ATL3: variants seen among roughly 807,000 people sequenced by gnomAD.
The protein encoded by ATL3 is atlastin-3.
ATL3 carries 49 observed loss-of-function variants against 69.5 expected under a neutral mutation model. That is an observed-to-expected ratio of 0.71 (90% confidence interval 0.56 to 0.89). The LOEUF is 0.89. Among genes scored for constraint, ATL3 ranks in the 40% least tolerant of loss-of-function variants. The pLI is 0.00. For missense variants in ATL3, 606 were observed against 645.7 expected, an observed-to-expected ratio of 0.94 and a Z score of 0.67; for synonymous variants, 214 against 224.1, an observed-to-expected ratio of 0.95 and a Z score of 0.40.
At chr11:63,652,966 C>T (rs1368676986) in intron 3 of ATL3, among the ~76,000 whole-genome samples, 1 of 151,308 alleles carries the variant, frequency 6.6e-6, no homozygotes, top group Non-Finnish European at 1.5e-5. Flanking sequence ...GCCGTGGCAG[C>T]AGCAGCACTT....
intron 10 of ATL3, 44 bp from the exon 11 acceptor site, chr11:63,633,141 A>T: frequency 6.7e-7 from 1 of 1,499,716 alleles, no homozygotes; most frequent in Non-Finnish European, 9.3e-7. Flanking sequence ...TTCCTCTTTT[A>T]ACATTCCTCC....
intron 3 of ATL3, among the ~76,000 whole-genome samples, chr11:63,653,451 C>A (rs1011129877): frequency 6.6e-6 from 1 of 150,592 alleles, no homozygotes; most frequent in Non-Finnish European, 1.5e-5. Flanking sequence ...GGTGAGAGAG[C>A]GAGATTTTGT....
intron 1 of ATL3, among the ~76,000 whole-genome samples, chr11:63,668,610 CTA>C (rs1409239558): frequency 6.6e-6 from 1 of 151,966 alleles, no homozygotes; most frequent in African/African-American, 2.4e-5. Flanking sequence ...CAAAAATTAT[CTA>C]TGACTAAATG....
intron 1 of ATL3, among the ~76,000 whole-genome samples, chr11:63,668,242 G>C (rs1014259111): frequency 6.6e-6 from 1 of 152,174 alleles, no homozygotes; most frequent in Non-Finnish European, 1.5e-5. Flanking sequence ...CCTTGTTCTT[G>C]CTGGCAGTCT....
At position 63,652,484 on chromosome 11, in the gene ATL3, G is replaced by A; in HGVS notation, c.497C>T (p.Thr166Ile). The A allele has an allele frequency of 6.2e-7, 1 of 1,602,230 alleles. No homozygotes were observed. Among genetic ancestry groups the A allele is most frequent in the Non-Finnish European group, 8.5e-7 (1 of 1,172,882 alleles). ...AGTGGTTTTTACCTGAACAGAACTA[G>A]TCATAGTGCTTAGAGCAAAGATGGT... is the stretch of plus-strand genomic sequence containing the variant. ...CATIFALSTM[T>I]SSVQIYNLSQ... Residue 166 changes from threonine to isoleucine, a missense_variant, in exon 4 of 13, where the codon ACT (threonine) becomes ATT (isoleucine). Transcript: ENST00000398868.
intron 10 of ATL3, 133 bp from the exon 11 acceptor site, chr11:63,633,230 T>C (rs921985998): frequency 5.7e-6 from 4 of 700,232 alleles, no homozygotes; most frequent in Middle Eastern, 3.2e-4. Flanking sequence ...GATTTCCATA[T>C]AGTTCAACTG....
chr11:63,656,395 T>C (rs1940249372), intron 3 of ATL3, among the ~76,000 whole-genome samples: 1 of 151,450 alleles, frequency 6.6e-6, no homozygotes, highest in African/African-American at 2.4e-5. Context: ...ACAGATTAGG[T>C]ACAAAAGAAC....
At chr11:63,636,404 T>C in intron 8 of ATL3, 70 bp from the exon 9 acceptor site, 4 of 1,593,388 alleles carry the variant, frequency 2.5e-6, no homozygotes, top group South Asian at 2.2e-5. Flanking sequence ...GAACACACAA[T>C]GCAGTCTTCC....
rs558016555 is a variant in ATL3 at position 63,671,206 on chromosome 11, G to A, written c.46+84C>T. The stretch of plus-strand genomic sequence containing the variant: ...CCCCGGGACGAGGAAGGGCGGCGGC[G>A]CGGGCGGGGGTTCTTTTCAGAACTA... On this transcript the variant is annotated intron_variant, in intron 1 of 12. Transcript: ENST00000398868. 8.4e-5 allele frequency: 123 copies of A among 1,461,728 alleles called. 2 individuals are homozygous for A. The South Asian group carries it at 1.4e-3, about 17-fold the overall frequency. The allele number at this position is 1,461,728 out of a possible 1,614,324, so 90.5% of individuals were successfully genotyped here. A position where few individuals can be genotyped will look rare whatever the true frequency, so the allele number is the denominator to read the frequency against.
At chr11:63,656,715 C>T (rs899169803) in intron 3 of ATL3, among the ~76,000 whole-genome samples, 3 of 144,582 alleles carry the variant, frequency 2.1e-5, no homozygotes, top group Admixed American at 7.0e-5. Flanking sequence ...GCCTGAGCAA[C>T]AGAGAGACTC....
At chr11:63,634,412 C>A (rs538455789) in intron 10 of ATL3, among the ~76,000 whole-genome samples, 3 of 151,626 alleles carry the variant, frequency 2.0e-5, no homozygotes, top group Admixed American at 2.0e-4. Flanking sequence ...GAGGCTGAGG[C>A]AGGAGAATGG....
In ATL3 at chr11:63,644,167, A is replaced by C; in HGVS notation, c.711+2T>G. ...TCATCAGAAGATTATAGTCCCACTTACCTGTAAACGCTTATCCAAAAATGC... is the reference window on the plus strand; with the variant it reads ...TCATCAGAAGATTATAGTCCCACTTCCCTGTAAACGCTTATCCAAAAATGC... On this transcript the variant is annotated splice_donor_variant, in intron 7 of 12. Coordinates refer to ENST00000398868, the MANE Select transcript of ATL3 (RefSeq NM_015459.5). LOFTEE classifies it high-confidence loss of function. 1 of 1,584,224 alleles carries C rather than the reference A, an allele frequency of 6.3e-7. No individual in the cohort carries two copies. Among genetic ancestry groups the C allele is most frequent in the Non-Finnish European group, 8.6e-7 (1 of 1,157,410 alleles).
intron 1 of ATL3, among the ~76,000 whole-genome samples, chr11:63,670,953 G>A (rs1012416724): frequency 6.6e-5 from 10 of 152,056 alleles, no homozygotes; most frequent in East Asian, 1.9e-4. Context: ...AGCTCCGGAC[G>A]CCGCCCACGG....
intron 10 of ATL3, among the ~76,000 whole-genome samples, chr11:63,634,200 A>G (rs1565269583): frequency 6.7e-6 from 1 of 149,564 alleles, no homozygotes; most frequent in African/African-American, 2.5e-5. Context: ...AAAAAAAAAA[A>G]AAAGAAGAAG....
chr11:63,644,019 A>G (rs1273329807), intron 7 of ATL3, 150 bp downstream of exon 7: 5 of 602,208 alleles, frequency 8.3e-6, no homozygotes, highest in African/African-American at 5.7e-5. Context: ...AATCTTGTCA[A>G]GAATAAATAT....
intron 3 of ATL3, among the ~76,000 whole-genome samples, chr11:63,654,313 A>G (rs1565279579): frequency 6.6e-6 from 1 of 151,394 alleles, no homozygotes; most frequent in Non-Finnish European, 1.5e-5. Flanking sequence ...CGCCCAGCTA[A>G]TTTTTGTATT....
At chr11:63,632,504 C>T (rs1018227705) in intron 11 of ATL3, 2 of 853,120 alleles carry the variant, frequency 2.3e-6, no homozygotes, top group East Asian at 4.8e-5. Flanking sequence ...AAAATCCTCA[C>T]CACTAGTCCA....
At chr11:63,658,063 G>A (rs1940312828) in intron 3 of ATL3, among the ~76,000 whole-genome samples, 1 of 151,984 alleles carries the variant, frequency 6.6e-6, no homozygotes, top group African/African-American at 2.4e-5. Context: ...TCACTATGTT[G>A]GCCAGGCTGG....
chr11:63,665,749 C>G (rs1049773077), intron 1 of ATL3, among the ~76,000 whole-genome samples: 2 of 151,738 alleles, frequency 1.3e-5, no homozygotes, highest in African/African-American at 4.8e-5. Flanking sequence ...ATTAACCAGG[C>G]TTGGTGGTAA....
Sources: gnomAD v4.1 joint callset for allele counts (sites outside exome capture counted in the v4.1 genomes callset) on GRCh38, gnomAD v4.1.1 for gene constraint, MANE v1.5 for transcripts, NCBI Gene and HGNC (gene_info 2026-07-23, HGNC 2026-07-21) for gene names.